The following ANTXR1 variants were observed in gnomAD, a reference collection of about 807,000 sequenced individuals.
The protein encoded by ANTXR1 is ANTXR cell adhesion molecule 1, also known as anthrax toxin receptor 1.
Under a neutral mutation model 78.1 loss-of-function variants are expected in ANTXR1, and 19 were observed. The observed-to-expected ratio is 0.24, with a 90% confidence interval of 0.17 to 0.36. The LOEUF (loss-of-function observed/expected upper bound fraction) is 0.36, where lower values mean the gene tolerates loss of function less well. Ranked by LOEUF, ANTXR1 falls within the 10% of genes least tolerant of loss-of-function variation. The pLI is 1.00. For missense variants in ANTXR1, 518 were observed against 718.6 expected, an observed-to-expected ratio of 0.72 and a Z score of 3.19; for synonymous variants, 273 against 260.5, an observed-to-expected ratio of 1.05 and a Z score of -0.46.
At chr2:69,130,487 G>T (rs1400521137) in intron 12 of ANTXR1, among the ~76,000 whole-genome samples, 3 of 152,152 alleles carry the variant, frequency 2.0e-5, no homozygotes, top group East Asian at 1.9e-4. Flanking sequence ...ATAACTGCAG[G>T]ATAATGGAGG....
intron 17 of ANTXR1, among the ~76,000 whole-genome samples, chr2:69,203,304 T>C (rs919150709): frequency 2.0e-5 from 3 of 152,244 alleles, no homozygotes; most frequent in Non-Finnish European, 4.4e-5. Flanking sequence ...CTTCCCTGGA[T>C]GTTTGAATTC....
At chr2:69,240,065 G>T (rs1178915394) in intron 17 of ANTXR1, among the ~76,000 whole-genome samples, 1 of 152,238 alleles carries the variant, frequency 6.6e-6, no homozygotes, top group Non-Finnish European at 1.5e-5. Context: ...GATGTCCAAG[G>T]AGACCATGGG....
chr2:69,165,315 C>T (rs937629220), intron 13 of ANTXR1, among the ~76,000 whole-genome samples: 18 of 152,220 alleles, frequency 1.2e-4, no homozygotes, highest in Non-Finnish European at 2.6e-4. Flanking sequence ...ACCAGCCCTT[C>T]GGCAGAGAGG....
At chr2:69,152,045 A>G in intron 12 of ANTXR1, 124 bp from the exon 13 acceptor site, 1 of 963,506 alleles carries the variant, frequency 1.0e-6, no homozygotes, top group South Asian at 1.3e-5. Context: ...AGTTTCAACC[A>G]TTTGCTTGGC....
chr2:69,242,708 A>C (rs550539718), intron 17 of ANTXR1, among the ~76,000 whole-genome samples: 1 of 152,340 alleles, frequency 6.6e-6, no homozygotes, highest in African/African-American at 2.4e-5. Context: ...CTAGGAACGA[A>C]GGGCAGAACA....
chr2:69,077,169 GA>G, intron 7 of ANTXR1: 2 of 575,760 alleles, frequency 3.5e-6, no homozygotes, highest in Non-Finnish European at 3.1e-6. Flanking sequence ...CTCCCGAGGA[GA>G]AAAGTATTGA....
At chr2:69,239,055 A>G (rs1675838569) in intron 17 of ANTXR1, among the ~76,000 whole-genome samples, 1 of 152,208 alleles carries the variant, frequency 6.6e-6, no homozygotes, top group Admixed American at 6.5e-5. Flanking sequence ...CAGAAGTTGC[A>G]GGCAAGCTCA....
intron 17 of ANTXR1, among the ~76,000 whole-genome samples, chr2:69,218,454 A>G (rs1573984812): frequency 6.6e-6 from 1 of 152,354 alleles, no homozygotes; most frequent in East Asian, 1.9e-4. Flanking sequence ...TAATCAACTC[A>G]GTGTGCCATA....
intron 9 of ANTXR1, among the ~76,000 whole-genome samples, chr2:69,091,273 C>G (rs990783483): frequency 1.3e-5 from 2 of 151,866 alleles, no homozygotes; most frequent in Non-Finnish European, 2.9e-5. Flanking sequence ...AACCCCATCT[C>G]TACTAAAAAT....
chr2:69,102,555 A>T (rs1558548398), intron 9 of ANTXR1, among the ~76,000 whole-genome samples: 2 of 152,234 alleles, frequency 1.3e-5, no homozygotes, highest in Non-Finnish European at 2.9e-5. Context: ...ATTTGAATGG[A>T]CAGAGAGGAG....
intron 12 of ANTXR1, among the ~76,000 whole-genome samples, chr2:69,130,462 G>A (rs772918312): frequency 5.9e-5 from 9 of 152,260 alleles, no homozygotes; most frequent in Admixed American, 1.3e-4. Flanking sequence ...ACATCAAAGC[G>A]AAAACAACTG....
At chr2:69,081,706 GAAAGCAGGGTTAGAACCCAC>G (rs1461180659) in intron 8 of ANTXR1, among the ~76,000 whole-genome samples, 1 of 152,206 alleles carries the variant, frequency 6.6e-6, no homozygotes, top group Non-Finnish European at 1.5e-5. Flanking sequence ...CCCTAAGGGG[GAAAGCAGGGTTAGAACCCAC>G]TTTTTCCTTG....
At chr2:69,114,163 A>T (rs1672069792) in intron 10 of ANTXR1, among the ~76,000 whole-genome samples, 1 of 152,258 alleles carries the variant, frequency 6.6e-6, no homozygotes, top group Non-Finnish European at 1.5e-5. Context: ...ATTTCCCAAG[A>T]CATTAATTTT....
intron 12 of ANTXR1, chr2:69,145,197 G>GTTAC (rs1673188307): frequency 2.2e-6 from 2 of 903,124 alleles, no homozygotes; most frequent in Admixed American, 2.1e-5. Context: ...CAGAGGCAGA[G>GTTAC]TTACGGGGGG....
At chr2:69,037,666 C>T (rs531970220) in intron 1 of ANTXR1, among the ~76,000 whole-genome samples, 16 of 152,030 alleles carry the variant, frequency 1.1e-4, no homozygotes, top group Non-Finnish European at 2.1e-4. Flanking sequence ...GACGGGGTTT[C>T]GCCATGTTAG....
intron 17 of ANTXR1, among the ~76,000 whole-genome samples, chr2:69,202,483 T>C (rs994873780): frequency 2.0e-5 from 3 of 152,100 alleles, no homozygotes; most frequent in African/African-American, 7.2e-5. Context: ...AGATCTAGAA[T>C]TGGAAAGAGT....
intron 12 of ANTXR1, among the ~76,000 whole-genome samples, chr2:69,132,056 C>T (rs1672765140): frequency 1.3e-5 from 2 of 152,148 alleles, no homozygotes; most frequent in African/African-American, 2.4e-5. Flanking sequence ...TGAGGATCTG[C>T]AGCACAAGGT....
chr2:69,203,766 T>C (rs1274445807), intron 17 of ANTXR1, among the ~76,000 whole-genome samples: 2 of 152,048 alleles, frequency 1.3e-5, no homozygotes, highest in African/African-American at 4.8e-5. Context: ...ATCATCATCA[T>C]CATCATCATC....
intron 10 of ANTXR1, among the ~76,000 whole-genome samples, chr2:69,119,498 T>G (rs575753021): frequency 6.6e-6 from 1 of 152,336 alleles, no homozygotes; most frequent in Non-Finnish European, 1.5e-5. Context: ...CAGTTCAGTT[T>G]ATTCTCTAAT....
Sources: gnomAD v4.1 joint callset for allele counts (sites outside exome capture counted in the v4.1 genomes callset) on GRCh38, gnomAD v4.1.1 for gene constraint, MANE v1.5 for transcripts, NCBI Gene and HGNC (gene_info 2026-07-23, HGNC 2026-07-21) for gene names.